Variants in NCAM2 observed in about 807,000 individuals in gnomAD.
NCAM2 encodes the protein neural cell adhesion molecule 2.
NCAM2 carries 30 observed loss-of-function variants against 98.1 expected under a neutral mutation model. The ratio of observed to expected loss-of-function variants is 0.31; its 90% CI spans 0.23 to 0.41. NCAM2 has a LOEUF of 0.41. NCAM2 is among the 10% of genes least tolerant of loss of function. NCAM2 has a pLI of 1.00. For synonymous variants in NCAM2, 368 were observed against 342.4 expected (o/e 1.07, Z -0.83); for missense variants, 867 against 1,005.8 (o/e 0.86, Z 1.87).
intron 8 of NCAM2, among the ~76,000 whole-genome samples, chr21:21,344,045 T>C (rs1361646302): frequency 1.3e-5 from 2 of 152,134 alleles, no homozygotes; most frequent in Non-Finnish European, 2.9e-5. Context: ...GGATACTAGC[T>C]CAGCCACAGC....
At chr21:21,202,922 T>C (rs1215012092) in intron 1 of NCAM2, among the ~76,000 whole-genome samples, 18 of 152,186 alleles carry the variant, frequency 1.2e-4, no homozygotes, top group Admixed American at 1.1e-3. Context: ...TATTTCATCA[T>C]ATTTTTATCA....
At chr21:21,068,283 C>T (rs1289307000) in intron 1 of NCAM2, among the ~76,000 whole-genome samples, 3 of 151,580 alleles carry the variant, frequency 2.0e-5, no homozygotes, top group Non-Finnish European at 2.9e-5. Flanking sequence ...TAGGCACCCA[C>T]CACCGTGCCT....
chr21:21,067,978 A>G (rs1441071155), intron 1 of NCAM2, among the ~76,000 whole-genome samples: 1 of 152,042 alleles, frequency 6.6e-6, no homozygotes, highest in Non-Finnish European at 1.5e-5. Flanking sequence ...AAAGTGCTAT[A>G]TTTTTAAAGC....
chr21:21,363,257 AT>A (rs2075694155), intron 8 of NCAM2, among the ~76,000 whole-genome samples: 1 of 152,106 alleles, frequency 6.6e-6, no homozygotes, highest in Non-Finnish European at 1.5e-5. Context: ...TATAGAGAAC[AT>A]TTTGGAGATT....
At chr21:21,491,535 T>C (rs902333359) in intron 15 of NCAM2, among the ~76,000 whole-genome samples, 2 of 151,890 alleles carry the variant, frequency 1.3e-5, no homozygotes, top group South Asian at 4.1e-4. Context: ...CTATAAGTAA[T>C]ATAAAAATTA....
intron 8 of NCAM2, among the ~76,000 whole-genome samples, chr21:21,372,318 G>T (rs536015720): frequency 6.6e-6 from 1 of 151,498 alleles, no homozygotes; most frequent in South Asian, 2.1e-4. Context: ...CTTCTAGAAG[G>T]GCAAAGAACA....
intron 1 of NCAM2, among the ~76,000 whole-genome samples, chr21:21,236,266 C>T (rs2070818890): frequency 6.6e-6 from 1 of 151,122 alleles, no homozygotes; most frequent in Non-Finnish European, 1.5e-5. Flanking sequence ...GTAATTTCTG[C>T]TAACTTATAG....
chr21:21,437,882 G>T (rs373410477), intron 12 of NCAM2, among the ~76,000 whole-genome samples: 42 of 150,684 alleles, frequency 2.8e-4, no homozygotes, highest in African/African-American at 1.0e-3. Flanking sequence ...AGATATTGTT[G>T]AAAATTAGAA....
At chr21:21,498,190 C>A (rs922388033) in intron 15 of NCAM2, among the ~76,000 whole-genome samples, 4 of 152,094 alleles carry the variant, frequency 2.6e-5, no homozygotes, top group African/African-American at 9.7e-5. Flanking sequence ...CTCCAACTGG[C>A]CACACACAAT....
chr21:21,347,119 C>T (rs1388363344), intron 8 of NCAM2, among the ~76,000 whole-genome samples: 1 of 151,756 alleles, frequency 6.6e-6, no homozygotes, highest in Non-Finnish European at 1.5e-5. Context: ...ATTTACAAAG[C>T]TTTAGACAGA....
intron 1 of NCAM2, among the ~76,000 whole-genome samples, chr21:21,219,951 A>T (rs2070073035): frequency 6.6e-6 from 1 of 152,142 alleles, no homozygotes; most frequent in Admixed American, 6.5e-5. Context: ...AACCAAAAGA[A>T]CTTTAAAAGT....
chr21:21,096,231 A>C (rs1157103773), intron 1 of NCAM2, among the ~76,000 whole-genome samples: 2 of 151,556 alleles, frequency 1.3e-5, no homozygotes, highest in African/African-American at 4.8e-5. Flanking sequence ...TTTAAATGCT[A>C]TATATATATT....
intron 1 of NCAM2, among the ~76,000 whole-genome samples, chr21:21,214,709 A>AAT (rs1400808513): frequency 1.5e-5 from 1 of 65,352 alleles, no homozygotes; most frequent in Non-Finnish European, 3.6e-5. Context: ...AGGGGGAGTA[A>AAT]ATATATATAT....
intron 6 of NCAM2, among the ~76,000 whole-genome samples, chr21:21,328,736 T>C (rs1353718739): frequency 6.6e-6 from 1 of 151,994 alleles, no homozygotes; most frequent in Admixed American, 6.6e-5. Flanking sequence ...TTTAAGAGTA[T>C]ATAAAGTAAA....
chr21:21,176,681 T>C (rs531466483), intron 1 of NCAM2, among the ~76,000 whole-genome samples: 2 of 152,152 alleles, frequency 1.3e-5, no homozygotes, highest in African/African-American at 4.8e-5. Flanking sequence ...AGTGTTTTTT[T>C]TGAATTTTGT....
chr21:21,528,088 A>C (rs539239328), intron 16 of NCAM2, among the ~76,000 whole-genome samples: 1 of 152,346 alleles, frequency 6.6e-6, no homozygotes, highest in African/African-American at 2.4e-5. Context: ...AAATAAGCCA[A>C]TTTTAAAAGA....
rs184498306 is a variant in NCAM2 at position 21,014,647 on chromosome 21, A to C, written c.55+16029A>C. Among the ~76,000 whole-genome samples, 267 of 152,342 alleles carry C rather than the reference A, an allele frequency of 1.8e-3. 2 individuals are homozygous for C. Among genetic ancestry groups the C allele is most frequent in the African/African-American group, 6.1e-3 (255 of 41,578 alleles). On this transcript the variant is annotated intron_variant, in intron 1 of 17. Coordinates refer to ENST00000400546, the MANE Select transcript of NCAM2 (RefSeq NM_004540.5). ...AGAGCTGTCGTGGAGATTTACAAAA[A>C]GATCAACATTGTTTTTATGCCTACT...
At chr21:21,019,633 AT>A (rs994743169) in intron 1 of NCAM2, among the ~76,000 whole-genome samples, 34 of 152,130 alleles carry the variant, frequency 2.2e-4, no homozygotes, top group African/African-American at 4.6e-4. Flanking sequence ...ATTTATAATT[AT>A]TTTTTTTATT....
At chr21:21,101,117 A>G (rs1048559823) in intron 1 of NCAM2, among the ~76,000 whole-genome samples, 6 of 152,012 alleles carry the variant, frequency 3.9e-5, no homozygotes, top group African/African-American at 1.4e-4. Flanking sequence ...GGAGGCTATT[A>G]TATTTACTCC....
Sources: allele counts gnomAD v4.1 joint callset (sites outside exome capture counted in the v4.1 genomes callset), GRCh38; gene constraint gnomAD v4.1.1; transcripts MANE v1.5; gene names NCBI Gene and HGNC (gene_info 2026-07-23, HGNC 2026-07-21).